KDM4C: variants seen among roughly 807,000 people sequenced by gnomAD.
KDM4C encodes the protein lysine-specific demethylase 4C.
Under a neutral mutation model 129.3 loss-of-function variants are expected in KDM4C, and 81 were observed. The ratio of observed to expected loss-of-function variants is 0.63; its 90% CI spans 0.52 to 0.75. The LOEUF is 0.75. Among genes scored for constraint, KDM4C ranks in the 30% least tolerant of loss-of-function variants. The probability of loss-of-function intolerance (pLI) is 0.00; values close to 1 mark genes in which losing one functional copy is unlikely to be tolerated. For synonymous variants in KDM4C, 573 were observed against 456.1 expected (o/e 1.26, Z -3.26); for missense variants, 1,457 against 1,304.0 (o/e 1.12, Z -1.81).
chr9:7,171,526 A>G (rs1317381136), intron 21 of KDM4C, among the ~76,000 whole-genome samples: 2 of 152,034 alleles, frequency 1.3e-5, no homozygotes, highest in African/African-American at 4.8e-5. Flanking sequence ...CTAGAGATTT[A>G]GAGGATGGGG....
chr9:6,853,390 G>C (rs1203191409), intron 5 of KDM4C, among the ~76,000 whole-genome samples: 1 of 152,148 alleles, frequency 6.6e-6, no homozygotes. Context: ...TGATCGGAAG[G>C]CTGAGGTGAG....
At chr9:6,792,034 G>C (rs568944270) in intron 1 of KDM4C, among the ~76,000 whole-genome samples, 32 of 151,936 alleles carry the variant, frequency 2.1e-4, no homozygotes, top group Middle Eastern at 3.4e-3. Context: ...AAAAGAAAAA[G>C]AGAAAAGGAA....
rs191928841 is a variant in KDM4C, at chr9:7,167,188, A to T, written c.2901+1831A>T. On this transcript the variant is annotated intron_variant, in intron 20 of 21. Coordinates refer to ENST00000381309, the MANE Select transcript of KDM4C (RefSeq NM_015061.6). Reference sequence around the variant, plus strand: ...GAATAATTTTTTAATAATTTGTCCGAGAGCACGCAGCTGGTAAAGAGAGGG... The same window carrying T: ...GAATAATTTTTTAATAATTTGTCCGTGAGCACGCAGCTGGTAAAGAGAGGG... 5.9e-5 allele frequency among the ~76,000 whole-genome samples: 9 copies of T among 152,352 alleles called. No individual in the cohort carries two copies. The East Asian group carries it at 1.5e-3, about 26-fold the overall frequency.
chr9:6,972,287 ATC>A (rs1832128530), intron 8 of KDM4C, among the ~76,000 whole-genome samples: 2 of 151,848 alleles, frequency 1.3e-5, no homozygotes, highest in South Asian at 4.2e-4. Context: ...GTATATAAAT[ATC>A]TGTGTATGTG....
chr9:7,014,281 A>G (rs1823239880), intron 14 of KDM4C: 2 of 308,636 alleles, frequency 6.5e-6, no homozygotes, highest in African/African-American at 2.1e-5. Flanking sequence ...TTCCTTTCAC[A>G]TGTTTGGATT....
At chr9:6,810,451 T>G (rs1304878897) in intron 3 of KDM4C, among the ~76,000 whole-genome samples, 1 of 152,256 alleles carries the variant, frequency 6.6e-6, no homozygotes. Context: ...TAACAGAATA[T>G]ACATTTCTTG....
chr9:6,874,049 G>T (rs1456279680), intron 5 of KDM4C, among the ~76,000 whole-genome samples: 1 of 152,002 alleles, frequency 6.6e-6, no homozygotes, highest in Non-Finnish European at 1.5e-5. Context: ...GGTTTGTGGT[G>T]CCCCCAAACA....
At chr9:6,815,931 G>A (rs1373416542) in intron 4 of KDM4C, among the ~76,000 whole-genome samples, 1 of 152,062 alleles carries the variant, frequency 6.6e-6, no homozygotes. Flanking sequence ...TATGATGCAG[G>A]CATCACGATA....
intron 5 of KDM4C, among the ~76,000 whole-genome samples, chr9:6,873,984 C>T (rs904751847): frequency 3.4e-5 from 5 of 148,844 alleles, no homozygotes; most frequent in South Asian, 2.1e-4. Context: ...ATCAGCTAGC[C>T]GACGGAGCAG....
intron 5 of KDM4C, among the ~76,000 whole-genome samples, chr9:6,866,750 C>A (rs980868500): frequency 2.6e-5 from 4 of 151,938 alleles, no homozygotes; most frequent in African/African-American, 9.7e-5. Context: ...CACTTGACTT[C>A]AGGCAGATCA....
At chr9:6,751,106 C>T (rs1588066473) in intron 1 of KDM4C, among the ~76,000 whole-genome samples, 2 of 152,180 alleles carry the variant, frequency 1.3e-5, no homozygotes, top group African/African-American at 4.8e-5. Flanking sequence ...CTTTGGAAGT[C>T]ATATCACATC....
intron 19 of KDM4C, among the ~76,000 whole-genome samples, chr9:7,134,127 G>A (rs185054399): frequency 6.6e-6 from 1 of 152,330 alleles, no homozygotes; most frequent in East Asian, 1.9e-4. Context: ...ATTTGCCAGA[G>A]AAGGCTTTGG....
Position 7,026,391 on chromosome 9 carries a change from A to G in KDM4C, c.2259+10462A>G, listed in dbSNP as rs113419796. On this transcript the variant is annotated intron_variant, in intron 15 of 21. Coordinates refer to ENST00000381309, the MANE Select transcript of KDM4C (RefSeq NM_015061.6). ...TGTTTTTTTTTCTTTCAGCACTTTA[A>G]ATATGTCATGACACTCTCTCCTGGC... 5.6e-3 allele frequency among the ~76,000 whole-genome samples: 846 copies of G among 152,046 alleles called. 10 individuals are homozygous for G. Among genetic ancestry groups the G allele is most frequent in the African/African-American group, 0.019 (792 of 41,484 alleles).
intron 8 of KDM4C, among the ~76,000 whole-genome samples, chr9:6,940,014 CTTCCTTCCTTCCTTCCTTCT>C (rs1319466444): frequency 1.0e-3 from 135 of 131,994 alleles, no homozygotes; most frequent in African/African-American, 3.6e-3. Flanking sequence ...TCCTTCCTTC[CTTCCTTCCTTCCTTCCTTCT>C]TTCCTTCCTT....
At chr9:7,068,023 C>A (rs936198471) in intron 17 of KDM4C, among the ~76,000 whole-genome samples, 2 of 152,168 alleles carry the variant, frequency 1.3e-5, no homozygotes, top group Admixed American at 1.3e-4. Flanking sequence ...GTCTCGATCT[C>A]CTGACCTCGT....
intron 17 of KDM4C, among the ~76,000 whole-genome samples, chr9:7,074,754 C>T (rs1297650043): frequency 1.3e-5 from 2 of 152,132 alleles, no homozygotes; most frequent in African/African-American, 4.8e-5. Context: ...AGTTGTTTTG[C>T]TGAGCCTTTT....
At chr9:6,920,912 G>T (rs2131200513) in intron 8 of KDM4C, among the ~76,000 whole-genome samples, 1 of 152,220 alleles carries the variant, frequency 6.6e-6, no homozygotes, top group Middle Eastern at 3.4e-3. Context: ...ATGTTTTGAG[G>T]TATCAGTTTT....
chr9:7,133,227 T>C (rs1306407146), intron 19 of KDM4C, among the ~76,000 whole-genome samples: 2 of 152,176 alleles, frequency 1.3e-5, no homozygotes, highest in African/African-American at 4.8e-5. Flanking sequence ...TTTTTTTTTC[T>C]TTTTCCTTCC....
chr9:6,820,235 G>T (rs778024603), intron 4 of KDM4C, among the ~76,000 whole-genome samples: 9 of 152,150 alleles, frequency 5.9e-5, no homozygotes, highest in Non-Finnish European at 1.0e-4. Context: ...GAGTGGGGAC[G>T]ACATCTGAAC....
Sources: allele counts gnomAD v4.1 joint callset (sites outside exome capture counted in the v4.1 genomes callset), GRCh38; gene constraint gnomAD v4.1.1; transcripts MANE v1.5; gene names NCBI Gene and HGNC (gene_info 2026-07-23, HGNC 2026-07-21).